CGGBP1: variants seen among roughly 807,000 people sequenced by gnomAD.
The protein encoded by CGGBP1 is CGG triplet repeat binding protein 1.
A neutral mutation model predicts 11.4 loss-of-function variants in CGGBP1; 4 were observed. The ratio of observed to expected loss-of-function variants is 0.35; its 90% CI spans 0.17 to 0.80. CGGBP1 has a LOEUF of 0.80. Ranked by LOEUF, CGGBP1 falls within the 30% of genes least tolerant of loss-of-function variation. The pLI, the probability that CGGBP1 is intolerant of heterozygous loss-of-function variation, is 0.52. For synonymous variants in CGGBP1, 76 were observed against 74.1 expected (o/e 1.03, Z -0.13); for missense variants, 135 against 202.1 (o/e 0.67, Z 2.01).
chr3:88,061,561 C>T (rs2107580586), upstream of CGGBP1, among the ~76,000 whole-genome samples: 1 of 152,090 alleles, frequency 6.6e-6, no homozygotes, highest in South Asian at 2.1e-4. Flanking sequence ...GAGGTTTTGT[C>T]CTGGTTTTAC....
intron 2 of CGGBP1, among the ~76,000 whole-genome samples, chr3:88,102,822 T>TTA (rs1461949678): frequency 6.7e-6 from 1 of 149,546 alleles, no homozygotes; most frequent in Non-Finnish European, 1.5e-5. Flanking sequence ...ACTGTCTTTT[T>TTA]TTTTTTTTTT....
At position 88,139,665 on chromosome 3, in the gene CGGBP1, A is replaced by T. The variant is rs368256659; in HGVS notation, c.-229+1305T>A. The T allele has an allele frequency of 1.1e-5, 18 of 1,609,622 alleles. No homozygotes were observed. In the African/African-American group the frequency reaches 1.9e-4, roughly 17 times the overall value. On this transcript the variant is annotated intron_variant, in intron 2 of 3. Coordinates refer to the CGGBP1 transcript ENST00000462901. ...TGTGGCTGAATTCATTGAAATTCCC[A>T]TAAGTGTACCAGAAGATGTTATTGA...
chr3:88,077,426 G>A (rs1449237953), intron 2 of CGGBP1, among the ~76,000 whole-genome samples: 3 of 151,050 alleles, frequency 2.0e-5, no homozygotes, highest in South Asian at 2.1e-4. Context: ...CTCCGCCGCC[G>A]GGTTCACTCC....
intron 2 of CGGBP1, among the ~76,000 whole-genome samples, chr3:88,103,175 T>TA (rs1313222597): frequency 6.6e-6 from 1 of 152,014 alleles, no homozygotes. Flanking sequence ...CATTTTTTTT[T>TA]AAAAAAGAGA....
chr3:88,063,956 C>T (rs138257771), upstream of CGGBP1, among the ~76,000 whole-genome samples: 6 of 152,138 alleles, frequency 3.9e-5, no homozygotes, highest in Admixed American at 3.9e-4. Context: ...CTAAATCCTA[C>T]TTAATGACCC....
In CGGBP1 at chr3:88,052,884, A is replaced by G. The variant is rs975308723; in HGVS notation, c.*2589T>C. 1 of 152,626 alleles carries G rather than the reference A, an allele frequency of 6.6e-6. No individual in the cohort carries two copies. The highest frequency in any genetic ancestry group is 1.5e-5 in the Non-Finnish European group (1 of 68,006). The allele number at this position is 152,626 out of a possible 1,614,324, so 9.5% of individuals were successfully genotyped here. ...AGCCAACAAAGAATTGAACATTTCA[A>G]CAAGCTAGGAAATATTTACTGTAAG... On this transcript the variant is annotated 3_prime_UTR_variant, in exon 4 of 4. Coordinates refer to ENST00000482016, the MANE Select transcript of CGGBP1 (RefSeq NM_001008390.2).
chr3:88,125,648 T>C (rs539963573), intron 2 of CGGBP1, among the ~76,000 whole-genome samples: 3 of 152,284 alleles, frequency 2.0e-5, no homozygotes, highest in African/African-American at 7.2e-5. Flanking sequence ...TACCACGATT[T>C]AGATTATATA....
intron 2 of CGGBP1, among the ~76,000 whole-genome samples, chr3:88,098,805 T>C (rs1704220754): frequency 2.0e-5 from 3 of 152,170 alleles, no homozygotes; most frequent in Non-Finnish European, 2.9e-5. Context: ...ATAAAAACTC[T>C]CAATAAATTA....
chr3:88,092,251 T>G (rs1703786296), intron 2 of CGGBP1, among the ~76,000 whole-genome samples: 1 of 152,218 alleles, frequency 6.6e-6, no homozygotes. Context: ...TAACAATTAC[T>G]GCATAATTAT....
chr3:88,137,228 T>C (rs1467364646), intron 2 of CGGBP1, among the ~76,000 whole-genome samples: 1 of 140,034 alleles, frequency 7.1e-6, no homozygotes, highest in Admixed American at 7.2e-5. Context: ...AGGATGTAGA[T>C]AGAAGTATGG....
chr3:88,148,806 A>AT (rs1246823064), intron 1 of CGGBP1, among the ~76,000 whole-genome samples: 3 of 152,106 alleles, frequency 2.0e-5, no homozygotes, highest in South Asian at 4.2e-4. Flanking sequence ...TGCCAGGCTA[A>AT]TTTTTTGTAT....
rs1706491872 is a variant in CGGBP1, at chr3:88,054,307, C to A, written c.*1166G>T. ...AGCTGGGCTAAGCTACTTGGATAACCTTACAGGATAGTGAGGTTCAAACAG... is the reference window on the plus strand; with the variant it reads ...AGCTGGGCTAAGCTACTTGGATAACATTACAGGATAGTGAGGTTCAAACAG... On this transcript the variant is annotated 3_prime_UTR_variant, in exon 4 of 4. Transcript: ENST00000482016. 6.6e-6 allele frequency: 1 copy of A among 152,310 alleles called. No individual in the cohort carries two copies. Among genetic ancestry groups the A allele is most frequent in the East Asian group, 1.9e-4 (1 of 5,194 alleles). The allele number at this position is 152,310 out of a possible 1,614,324, so 9.4% of individuals were successfully genotyped here.
chr3:88,082,650 GGT>G (rs1239477575), intron 2 of CGGBP1, among the ~76,000 whole-genome samples: 2 of 152,010 alleles, frequency 1.3e-5, no homozygotes, highest in Admixed American at 6.6e-5. Flanking sequence ...TGTTAATAGG[GGT>G]TTAGATATGA....
intron 2 of CGGBP1, among the ~76,000 whole-genome samples, chr3:88,132,716 A>T (rs1706538075): frequency 2.0e-5 from 3 of 152,222 alleles, no homozygotes; most frequent in Admixed American, 2.0e-4. Context: ...AGTATATGCC[A>T]GACACTTCAC....
intron 2 of CGGBP1, among the ~76,000 whole-genome samples, chr3:88,066,053 CA>C (rs1388649966): frequency 6.6e-6 from 1 of 152,154 alleles, no homozygotes; most frequent in Non-Finnish European, 1.5e-5. Context: ...TTATTTTGTA[CA>C]AATAGATACA....
rs1429407786 is a variant in CGGBP1 at position 88,053,897 on chromosome 3, T to G, written c.*1576A>C. 1.3e-5 allele frequency: 2 copies of G among 152,580 alleles called. No individual in the cohort carries two copies. The highest frequency in any genetic ancestry group is 4.8e-5 in the African/African-American group (2 of 41,454). The allele number at this position is 152,580 out of a possible 1,614,324, so 9.5% of individuals were successfully genotyped here. ...ACATAACTGAACATGAGGAAAACAGTTCACATTTTGATAAGTGATTTATTT... is the reference window on the plus strand; with the variant it reads ...ACATAACTGAACATGAGGAAAACAGGTCACATTTTGATAAGTGATTTATTT... On this transcript the variant is annotated 3_prime_UTR_variant, in exon 4 of 4. Coordinates refer to ENST00000482016, the MANE Select transcript of CGGBP1 (RefSeq NM_001008390.2).
At chr3:88,101,275 C>A (rs1002552324) in intron 2 of CGGBP1, among the ~76,000 whole-genome samples, 11 of 152,148 alleles carry the variant, frequency 7.2e-5, no homozygotes, top group Admixed American at 2.0e-4. Context: ...CATTTGCATT[C>A]AGTCCCCAGT....
intron 2 of CGGBP1, chr3:88,129,866 G>A: frequency 1.5e-6 from 2 of 1,352,326 alleles, no homozygotes; most frequent in Non-Finnish European, 1.9e-6. Context: ...TGGTAAGATG[G>A]GCAACAGAAA....
intron 1 of CGGBP1, chr3:88,141,539 T>C (rs1433178094): frequency 7.8e-6 from 6 of 765,132 alleles, no homozygotes; most frequent in South Asian, 3.6e-5. Flanking sequence ...TCTACTAATA[T>C]CAATATCCTT....
Sources: allele counts gnomAD v4.1 joint callset (sites outside exome capture counted in the v4.1 genomes callset), GRCh38; gene constraint gnomAD v4.1.1; transcripts MANE v1.5; gene names NCBI Gene and HGNC (gene_info 2026-07-23, HGNC 2026-07-21).